The following LUZP2 variants were observed in gnomAD, a reference collection of about 807,000 sequenced individuals.
LUZP2 encodes the protein leucine zipper protein 2.
In LUZP2, 52 loss-of-function variants were observed where a neutral mutation model predicts 51.6. That is an observed-to-expected ratio of 1.01 (90% CI 0.81 to 1.27). LUZP2 has a LOEUF of 1.27. Among genes scored for constraint, LUZP2 ranks in the 50% most tolerant of loss-of-function variants. LUZP2 has a pLI of 0.00. For missense variants in LUZP2, 436 were observed against 395.4 expected (o/e 1.10, Z -0.87); for synonymous variants, 154 against 137.3 (o/e 1.12, Z -0.85).
At chr11:24,549,042 T>C (rs887100606) in intron 1 of LUZP2, among the ~76,000 whole-genome samples, 5 of 152,036 alleles carry the variant, frequency 3.3e-5, no homozygotes, top group African/African-American at 9.7e-5. Flanking sequence ...AAATTAACCT[T>C]GGCTTACTGT....
At chr11:24,814,332 G>A (rs571702300) in intron 5 of LUZP2, among the ~76,000 whole-genome samples, 1 of 151,866 alleles carries the variant, frequency 6.6e-6, no homozygotes, top group South Asian at 2.1e-4. Context: ...TCATGGATAT[G>A]TATTGAAGGG....
intron 1 of LUZP2, among the ~76,000 whole-genome samples, chr11:24,534,785 T>C (rs1198421573): frequency 6.6e-6 from 1 of 151,502 alleles, no homozygotes; most frequent in Non-Finnish European, 1.5e-5. Flanking sequence ...CCTTCTTTAG[T>C]TGTTTTGAAT....
intron 4 of LUZP2, among the ~76,000 whole-genome samples, chr11:24,743,034 T>C (rs1484320031): frequency 6.6e-6 from 1 of 152,148 alleles, no homozygotes; most frequent in Non-Finnish European, 1.5e-5. Flanking sequence ...GGGTTCACTA[T>C]GATTTCCATT....
chr11:24,590,248 C>G (rs947612967), intron 1 of LUZP2, among the ~76,000 whole-genome samples: 1 of 151,976 alleles, frequency 6.6e-6, no homozygotes, highest in Non-Finnish European at 1.5e-5. Context: ...ATAAATAATG[C>G]CTATCAAGTA....
At chr11:24,865,784 G>A (rs1474326962) in intron 5 of LUZP2, among the ~76,000 whole-genome samples, 3 of 148,974 alleles carry the variant, frequency 2.0e-5, no homozygotes, top group Non-Finnish European at 4.5e-5. Context: ...ATGTATATGT[G>A]TGTGTGTGTG....
intron 1 of LUZP2, among the ~76,000 whole-genome samples, chr11:24,555,713 T>C (rs1000046742): frequency 1.3e-5 from 2 of 152,188 alleles, no homozygotes; most frequent in Non-Finnish European, 2.9e-5. Context: ...TGGTGGCTTA[T>C]GCCTGTAATC....
Position 24,562,469 on chromosome 11 carries a change from G to GA in LUZP2, c.62+65164_62+65165insA, listed in dbSNP as rs571922243. 2.5e-3 allele frequency among the ~76,000 whole-genome samples: 300 copies of GA among 121,162 alleles called. 2 individuals carry two copies. The highest frequency in any genetic ancestry group is 9.9e-3 in the African/African-American group (295 of 29,650). The allele number at this position is 121,162 out of a possible 152,430, so 79.5% of individuals were successfully genotyped here. A position where few individuals can be genotyped will look rare whatever the true frequency, so the allele number is the denominator to read the frequency against. On this transcript the variant is annotated intron_variant, in intron 1 of 11. Transcript: ENST00000336930. ...TTCTGTTCCCAAAAATGAGTCCTAA[G>GA]GAAAAAAAAAGAAAAGAAACCCAGG...
chr11:25,050,291 CTTTTTTTTTTT>C (rs71044331), intron 10 of LUZP2, among the ~76,000 whole-genome samples, 161 bp downstream of exon 10: 10 of 77,200 alleles, frequency 1.3e-4, no homozygotes, highest in East Asian at 4.0e-4. Context: ...TCTTTATGTT[CTTTTTTTTTTT>C]TTTTTTTTTT....
chr11:25,058,110 A>T (rs1307275800), intron 10 of LUZP2, among the ~76,000 whole-genome samples: 1 of 152,014 alleles, frequency 6.6e-6, no homozygotes, highest in African/African-American at 2.4e-5. Flanking sequence ...CCATCAGAAC[A>T]TCTGAAGAGG....
chr11:24,924,900 T>G (rs1477876959), intron 7 of LUZP2, among the ~76,000 whole-genome samples: 1 of 152,114 alleles, frequency 6.6e-6, no homozygotes, highest in Non-Finnish European at 1.5e-5. Flanking sequence ...ACTAAATTTT[T>G]TAATATGCAG....
intron 1 of LUZP2, among the ~76,000 whole-genome samples, chr11:24,728,958 G>A (rs1260276975): frequency 6.6e-6 from 1 of 151,984 alleles, no homozygotes; most frequent in South Asian, 2.1e-4. Flanking sequence ...GATATCTGGA[G>A]TATAGCTAGC....
At chr11:24,623,030 G>A (rs1341310335) in intron 1 of LUZP2, among the ~76,000 whole-genome samples, 2 of 152,002 alleles carry the variant, frequency 1.3e-5, no homozygotes, top group African/African-American at 2.4e-5. Context: ...CGCCCCGATG[G>A]TATGGAGGAA....
chr11:24,635,440 G>GTGTT (rs931786317), intron 1 of LUZP2, among the ~76,000 whole-genome samples: 1 of 151,624 alleles, frequency 6.6e-6, no homozygotes, highest in Admixed American at 6.6e-5. Context: ...GTGTGTGTGT[G>GTGTT]TATTCACAAG....
intron 7 of LUZP2, among the ~76,000 whole-genome samples, chr11:24,959,791 G>T (rs1368555649): frequency 6.6e-6 from 1 of 152,076 alleles, no homozygotes; most frequent in East Asian, 1.9e-4. Flanking sequence ...ATACTATGTT[G>T]AATAGGAGTG....
intron 7 of LUZP2, among the ~76,000 whole-genome samples, chr11:24,943,897 A>G (rs1227455576): frequency 1.4e-5 from 2 of 143,664 alleles, no homozygotes; most frequent in African/African-American, 2.6e-5. Flanking sequence ...AAAAAAAAAA[A>G]TCATTAAGTG....
intron 5 of LUZP2, among the ~76,000 whole-genome samples, chr11:24,837,403 C>T (rs11028207): frequency 0.014 from 2,067 of 151,340 alleles, 52 homozygotes; most frequent in East Asian, 0.13. Context: ...TTTCACTGAT[C>T]GTCTGAGCCC....
At chr11:24,888,869 G>A (rs556936274) in intron 5 of LUZP2, among the ~76,000 whole-genome samples, 1 of 152,108 alleles carries the variant, frequency 6.6e-6, no homozygotes, top group African/African-American at 2.4e-5. Flanking sequence ...ACTCGGCACC[G>A]CTCCTTCCTG....
At chr11:24,990,291 G>A (rs1401289871) in intron 9 of LUZP2, among the ~76,000 whole-genome samples, 1 of 151,796 alleles carries the variant, frequency 6.6e-6, no homozygotes, top group Non-Finnish European at 1.5e-5. Context: ...ATACAAACAT[G>A]TATTTTACAA....
chr11:24,511,639 C>T (rs533187457), intron 1 of LUZP2, among the ~76,000 whole-genome samples: 3 of 152,064 alleles, frequency 2.0e-5, no homozygotes, highest in South Asian at 2.1e-4. Context: ...GAACTTAGGG[C>T]GTGCTATCTG....
Sources: allele counts gnomAD v4.1 joint callset (sites outside exome capture counted in the v4.1 genomes callset), GRCh38; gene constraint gnomAD v4.1.1; transcripts MANE v1.5; gene names NCBI Gene and HGNC (gene_info 2026-07-23, HGNC 2026-07-21).